SCRG1: variants seen among roughly 807,000 people sequenced by gnomAD.
SCRG1 encodes the protein stimulator of chondrogenesis 1.
SCRG1 carries 3 observed loss-of-function variants against 7.7 expected under a neutral mutation model. The observed-to-expected ratio is 0.39, with a 90% confidence interval of 0.18 to 1.01. SCRG1 has a LOEUF of 1.01. Among genes scored for constraint, SCRG1 ranks in the 50% least tolerant of loss-of-function variants. The pLI is 0.36. For synonymous variants in SCRG1, 46 were observed against 41.2 expected (o/e 1.12, Z -0.44); for missense variants, 110 against 117.2 (o/e 0.94, Z 0.28).
At chr4:173,430,583 G>A in the SCRG1 span, among the ~76,000 whole-genome samples, 1 of 152,108 alleles carries the variant, frequency 6.6e-6, no homozygotes, top group Non-Finnish European at 1.5e-5. Context: ...GAGCCCAGGA[G>A]TTTGAGACCT....
At chr4:173,452,261 A>T in the SCRG1 span, among the ~76,000 whole-genome samples, 3 of 152,080 alleles carry the variant, frequency 2.0e-5, no homozygotes, top group African/African-American at 7.2e-5. Flanking sequence ...AAAGAAAATC[A>T]TAAGGAAAAT....
Position 173,386,989 on chromosome 4 carries a change from A to T in SCRG1, c.*1352T>A, listed in dbSNP as rs879703289. On this transcript the variant is annotated 3_prime_UTR_variant, in exon 3 of 3. Coordinates refer to ENST00000296506, the MANE Select transcript of SCRG1 (RefSeq NM_007281.4). ...ATATGAGTCACATACCTCTTAAGTT[A>T]TGGGGCATAATCCAAAGCTGTCTCC... The T allele has an allele frequency of 2.0e-5, 3 of 152,178 alleles. No individual in the cohort carries two copies. The highest frequency in any genetic ancestry group is 2.0e-4 in the Admixed American group (3 of 15,284). The allele number at this position is 152,178 out of a possible 1,614,324, so 9.4% of individuals were successfully genotyped here.
the SCRG1 span, among the ~76,000 whole-genome samples, chr4:173,432,732 T>C: frequency 6.6e-6 from 1 of 151,712 alleles, no homozygotes; most frequent in Non-Finnish European, 1.5e-5. Flanking sequence ...GAGAGTAGAG[T>C]TTCTTTTTAC....
At chr4:173,436,705 C>T in the SCRG1 span, among the ~76,000 whole-genome samples, 2 of 152,252 alleles carry the variant, frequency 1.3e-5, no homozygotes, top group South Asian at 4.1e-4. Context: ...ATGTCAGCAT[C>T]TGTACACAAA....
the SCRG1 span, among the ~76,000 whole-genome samples, chr4:173,414,082 T>A: frequency 6.6e-6 from 1 of 152,042 alleles, no homozygotes; most frequent in Non-Finnish European, 1.5e-5. Flanking sequence ...TGTTTGAGAG[T>A]TTGGTTAGCA....
intron 2 of SCRG1, among the ~76,000 whole-genome samples, chr4:173,389,252 C>T (rs1021229040): frequency 3.3e-5 from 5 of 151,298 alleles, no homozygotes; most frequent in African/African-American, 9.7e-5. Context: ...TGCTGGGTCC[C>T]GGCCGGGCGC....
chr4:173,517,479 T>C, the SCRG1 span, among the ~76,000 whole-genome samples: 1 of 150,276 alleles, frequency 6.7e-6, no homozygotes, highest in Non-Finnish European at 1.5e-5. Flanking sequence ...AAGTAACTGC[T>C]ATTTTTTTTT....
chr4:173,512,563 A>C, the SCRG1 span, among the ~76,000 whole-genome samples: 1 of 152,234 alleles, frequency 6.6e-6, no homozygotes, highest in African/African-American at 2.4e-5. Flanking sequence ...TACAAGGATA[A>C]GGGAAGGAGC....
chr4:173,488,131 A>AATT, the SCRG1 span, among the ~76,000 whole-genome samples: 36 of 147,692 alleles, frequency 2.4e-4, no homozygotes, highest in African/African-American at 8.9e-4. Flanking sequence ...ATAAATAAAT[A>AATT]AATTTAAAAA....
At chr4:173,456,619 TCTC>T in the SCRG1 span, among the ~76,000 whole-genome samples, 225 of 152,274 alleles carry the variant, frequency 1.5e-3, no homozygotes, top group South Asian at 6.4e-3. Flanking sequence ...TTTGAAAACA[TCTC>T]CTGTTGAAAA....
At chr4:173,505,057 G>A in the SCRG1 span, among the ~76,000 whole-genome samples, 1 of 152,182 alleles carries the variant, frequency 6.6e-6, no homozygotes, top group Non-Finnish European at 1.5e-5. This position sits in a 1 kb window ranked among gnomAD's most constrained non-coding sequence, Gnocchi z 4.4. Flanking sequence ...TGTAATGACT[G>A]TAAAATGAAT....
chr4:173,498,993 C>T, the SCRG1 span, among the ~76,000 whole-genome samples: 2 of 152,168 alleles, frequency 1.3e-5, no homozygotes, highest in Non-Finnish European at 2.9e-5. Context: ...GGTGTGCTTC[C>T]TTCCCCCACC....
the SCRG1 span, among the ~76,000 whole-genome samples, chr4:173,426,193 C>T: frequency 8.5e-5 from 13 of 152,316 alleles, no homozygotes; most frequent in Admixed American, 5.9e-4. Flanking sequence ...CTGTTGTTTA[C>T]CTTGCAGCCC....
chr4:173,443,099 G>A, the SCRG1 span, among the ~76,000 whole-genome samples: 4 of 152,102 alleles, frequency 2.6e-5, no homozygotes, highest in African/African-American at 4.8e-5. Context: ...TAGTTAACTC[G>A]AGGATTTTCT....
the SCRG1 span, among the ~76,000 whole-genome samples, chr4:173,496,436 A>G: frequency 1.3e-5 from 2 of 152,312 alleles, no homozygotes; most frequent in South Asian, 4.1e-4. Flanking sequence ...GGAGACTAAG[A>G]GAAGAGACTA....
At chr4:173,510,483 C>T in the SCRG1 span, among the ~76,000 whole-genome samples, 1 of 151,988 alleles carries the variant, frequency 6.6e-6, no homozygotes, top group Non-Finnish European at 1.5e-5. The surrounding 1 kb of genome is among the most constrained non-coding windows in gnomAD (Gnocchi z 5.7). Context: ...GTGCCTACCC[C>T]TCCACAAGTA....
chr4:173,465,724 G>C, the SCRG1 span, among the ~76,000 whole-genome samples: 1 of 151,596 alleles, frequency 6.6e-6, no homozygotes, highest in African/African-American at 2.4e-5. Flanking sequence ...CCATTTCTAA[G>C]TGTACAGTTC....
the SCRG1 span, among the ~76,000 whole-genome samples, chr4:173,495,248 T>C: frequency 1.3e-5 from 2 of 152,254 alleles, no homozygotes; most frequent in East Asian, 3.8e-4. Context: ...CAGTGCCTTA[T>C]ACATTTGCAC....
At chr4:173,501,648 T>C in the SCRG1 span, among the ~76,000 whole-genome samples, 6 of 152,216 alleles carry the variant, frequency 3.9e-5, no homozygotes, top group East Asian at 9.7e-4. The surrounding 1 kb of genome is among the most constrained non-coding windows in gnomAD (Gnocchi z 5.1). Context: ...AGGATTACTG[T>C]CGGGCGGAGG....
Sources: gnomAD v4.1 joint callset for allele counts (sites outside exome capture counted in the v4.1 genomes callset) on GRCh38, gnomAD v4.1.1 for gene constraint, Gnocchi (gnomAD v3.1) non-coding constraint, MANE v1.5 for transcripts, NCBI Gene and HGNC (gene_info 2026-07-23, HGNC 2026-07-21) for gene names.